Variants in RSAD1 observed in about 807,000 individuals in gnomAD.
RSAD1 encodes radical S-adenosyl methionine domain-containing protein 1, mitochondrial.
Under a neutral mutation model 46.2 loss-of-function variants are expected in RSAD1, and 34 were observed. The ratio of observed to expected loss-of-function variants is 0.74; its 90% CI spans 0.56 to 0.98. The LOEUF is 0.98. Ranked by LOEUF, RSAD1 falls within the 50% of genes least tolerant of loss-of-function variation. The probability of loss-of-function intolerance (pLI) is 0.00; values close to 1 mark genes in which losing one functional copy is unlikely to be tolerated. For synonymous variants in RSAD1, 260 were observed against 253.5 expected (o/e 1.03, Z -0.24); for missense variants, 635 against 592.3 (o/e 1.07, Z -0.75).
chr17:50,484,391 G>A (rs566674114), intron 7 of RSAD1, 51 bp from the exon 8 acceptor site: 40 of 1,542,632 alleles, frequency 2.6e-5, no homozygotes, highest in Admixed American at 6.8e-5. Flanking sequence ...CAACTATGTG[G>A]CCCAGAGTAG....
At position 50,483,688 on chromosome 17, in the gene RSAD1, T is replaced by C; in HGVS notation, c.1053-18T>C. ...CACAGGCCTCCTCTCTAAGACTCCTTGGTGATTTTTCTTTGAGGCTGGAGG... is the reference window on the plus strand; with the variant it reads ...CACAGGCCTCCTCTCTAAGACTCCTCGGTGATTTTTCTTTGAGGCTGGAGG... On this transcript the variant is annotated intron_variant, in intron 6 of 8. Transcript: ENST00000258955. 1.2e-6 allele frequency: 2 copies of C among 1,613,064 alleles called. No homozygotes were observed. Among genetic ancestry groups the C allele is most frequent in the African/African-American group, 1.3e-5 (1 of 74,928 alleles).
chr17:50,482,524 CCTT>C lies in RSAD1; in HGVS notation c.840+71_840+73del, dbSNP rs1288654192. The C allele has an allele frequency of 8.1e-6, 13 of 1,609,710 alleles. No individual in the cohort carries two copies. In the Admixed American group the frequency reaches 1.3e-4, roughly 17 times the overall value. Reference sequence around the variant, plus strand: ...CTGCAGTGTGACCAGGGCGTTGTGACCTTCTGAAGAGAAGGATCCTGGCCGAGA... The same window carrying C: ...CTGCAGTGTGACCAGGGCGTTGTGACCTGAAGAGAAGGATCCTGGCCGAGA... On this transcript the variant is annotated intron_variant, in intron 4 of 8. Coordinates refer to ENST00000258955, the MANE Select transcript of RSAD1 (RefSeq NM_018346.3).
At chr17:50,484,375 A>T (rs1441473981) in intron 7 of RSAD1, 67 bp from the exon 8 acceptor site, 1 of 1,429,402 alleles carries the variant, frequency 7.0e-7, no homozygotes, top group African/African-American at 1.4e-5. Context: ...ACCTCTCACC[A>T]TACCCCAACT....
At chr17:50,482,508 G>T in intron 4 of RSAD1, 52 bp downstream of exon 4, 2 of 1,607,354 alleles carry the variant, frequency 1.2e-6, no homozygotes, top group South Asian at 2.2e-5. Flanking sequence ...ACTGCAGTGT[G>T]ACCAGGGCGT....
chr17:50,483,662 G>T (rs376333376), intron 6 of RSAD1, 44 bp from the exon 7 acceptor site: 98 of 1,610,802 alleles, frequency 6.1e-5, no homozygotes, highest in Non-Finnish European at 8.2e-5. Flanking sequence ...AATGGGAGGA[G>T]CACAGGCCTC....
chr17:50,482,209 T>C lies in RSAD1; in HGVS notation c.593T>C (p.Leu198Pro), dbSNP rs1237505278. 3 of 1,568,688 alleles carry C rather than the reference T, an allele frequency of 1.9e-6. No individual in the cohort carries two copies. In the South Asian group the frequency reaches 3.5e-5, roughly 18 times the overall value. The part of the protein sequence containing the change: ...FPGRVSVDLM[L>P]GLPAQQVGPW... ...GGGCGCGTGTCTGTAGACTTGATGC[T>C]GGGGCTGCCGGCACAGCAGGTGGGG... The change falls in exon 4 of 9, where the codon CTG becomes CCG. Residue 198 changes from leucine to proline, a missense_variant. Transcript: ENST00000258955.
At chr17:50,483,819 C>T (rs1195429044) in intron 7 of RSAD1, 59 bp downstream of exon 7, 2 of 1,476,042 alleles carry the variant, frequency 1.4e-6, no homozygotes, top group South Asian at 1.2e-5. Flanking sequence ...AATCAATGCC[C>T]CCTCCCTGCC....
intron 4 of RSAD1, 58 bp from the exon 5 acceptor site, chr17:50,482,585 T>C (rs1285136251): frequency 6.2e-7 from 1 of 1,613,366 alleles, no homozygotes. Context: ...GCCCCTTACC[T>C]GAGTCTAAAA....
In RSAD1 at chr17:50,483,493, C is replaced by T. The variant is rs2033410963; in HGVS notation, c.1052+6C>T. On this transcript the variant is annotated splice_donor_region_variant and intron_variant, in intron 6 of 8. Transcript: ENST00000258955. ...CCCCTGGGCAGGCTGGAGCTGTGAG[C>T]ATCCAAGGGCACAGGGCTCTCCTCC... 1 of 1,611,990 alleles carries T rather than the reference C, an allele frequency of 6.2e-7. No homozygotes were observed. The highest frequency in any genetic ancestry group is 8.5e-7 in the Non-Finnish European group (1 of 1,179,068).
chr17:50,483,201 G>GAAAT (rs200481554), intron 5 of RSAD1, 139 bp from the exon 6 acceptor site: 228 of 648,312 alleles, frequency 3.5e-4, no homozygotes, highest in Non-Finnish European at 4.8e-4. Context: ...AAGAAAGAAA[G>GAAAT]AAAGAAAGAA....
At chr17:50,482,012 A>G in intron 3 of RSAD1, 79 bp from the exon 4 acceptor site, 1 of 1,450,942 alleles carries the variant, frequency 6.9e-7, no homozygotes, top group Non-Finnish European at 9.1e-7. Context: ...TTCTCCCTGT[A>G]TCTGTGTCTA....
Position 50,484,883 on chromosome 17 carries a change from G to A in RSAD1, c.*22G>A. On this transcript the variant is annotated 3_prime_UTR_variant, in exon 9 of 9. Transcript: ENST00000258955. The stretch of plus-strand genomic sequence containing the variant: ...ATGACAAAAATGTTCCTGTGTTCCA[G>A]GGTAATGCCAGGTGGGTTTTGAGAG... 1 of 1,602,818 alleles carries A rather than the reference G, an allele frequency of 6.2e-7. No homozygotes were observed. The highest frequency in any genetic ancestry group is 1.1e-5 in the South Asian group (1 of 90,704).
chr17:50,482,906 G>A (rs1415292044), intron 5 of RSAD1, among the ~76,000 whole-genome samples, 200 bp downstream of exon 5: 1 of 152,064 alleles, frequency 6.6e-6, no homozygotes, highest in African/African-American at 2.4e-5. Flanking sequence ...TCAGCCTTTA[G>A]TGTGTATGAG....
intron 4 of RSAD1, 89 bp from the exon 5 acceptor site, chr17:50,482,554 G>C: frequency 6.2e-7 from 1 of 1,612,274 alleles, no homozygotes; most frequent in East Asian, 2.2e-5. Context: ...TGGCCGAGAT[G>C]GTGGGACATT....
chr17:50,483,197 GA>G lies in RSAD1; in HGVS notation c.905-140del, dbSNP rs2033405218. 3 of 619,448 alleles carry G rather than the reference GA, an allele frequency of 4.8e-6. No individual in the cohort carries two copies. In the East Asian group the frequency reaches 1.1e-4, roughly 22 times the overall value. The allele number at this position is 619,448 out of a possible 1,614,324, so 38.4% of individuals were successfully genotyped here. Reference sequence around the variant, plus strand: ...CAAAAAAAAAAAAAAAAAAAAGAAAGAAAGAAAGAAAGAAAAGAAAAGAAAA... The same window carrying G: ...CAAAAAAAAAAAAAAAAAAAAGAAAGAAGAAAGAAAGAAAAGAAAAGAAAA... On this transcript the variant is annotated intron_variant, in intron 5 of 8. Transcript: ENST00000258955.
rs2033435066 is a variant in RSAD1 at position 50,484,951 on chromosome 17, C to T, written c.*90C>T. Reference sequence around the variant, plus strand: ...ACATCTCTTCTCCGTTGTCGGGTGCCGTCTCTGCTCCTTGTGGTTATTGCT... The same window carrying T: ...ACATCTCTTCTCCGTTGTCGGGTGCTGTCTCTGCTCCTTGTGGTTATTGCT... On this transcript the variant is annotated 3_prime_UTR_variant, in exon 9 of 9. Coordinates refer to ENST00000258955, the MANE Select transcript of RSAD1 (RefSeq NM_018346.3). 9.8e-6 allele frequency: 10 copies of T among 1,018,442 alleles called. No homozygotes were observed. The highest frequency in any genetic ancestry group is 8.5e-5 in the South Asian group (6 of 70,872). The allele number at this position is 1,018,442 out of a possible 1,614,324, so 63.1% of individuals were successfully genotyped here.
At chr17:50,484,244 T>G (rs1348313466) in intron 7 of RSAD1, 198 bp from the exon 8 acceptor site, 8 of 563,788 alleles carry the variant, frequency 1.4e-5, no homozygotes, top group African/African-American at 3.8e-5. Context: ...GGCTGGAAGC[T>G]GGGTTCCAGT....
chr17:50,483,077 G>A (rs943023126), intron 5 of RSAD1, among the ~76,000 whole-genome samples: 2 of 145,562 alleles, frequency 1.4e-5, no homozygotes, highest in African/African-American at 5.2e-5. Flanking sequence ...GGTGTCATGT[G>A]CCTCTAATCT....
rs115386193 is a variant in RSAD1 at position 50,484,649 on chromosome 17, C to A, written c.1212-95C>A. The stretch of plus-strand genomic sequence containing the variant: ...AAGTGAGAAAGACTGACTGGTAAGG[C>A]GGGACCTGCGGGTGCTGGGAGCTCG... On this transcript the variant is annotated intron_variant, in intron 8 of 8. Coordinates refer to ENST00000258955, the MANE Select transcript of RSAD1 (RefSeq NM_018346.3). 12,454 of 1,498,536 alleles carry A rather than the reference C, an allele frequency of 8.3e-3. 772 individuals carry two copies. The African/African-American group carries it at 0.14, about 17-fold the overall frequency. The allele number at this position is 1,498,536 out of a possible 1,614,324, so 92.8% of individuals were successfully genotyped here.
Sources: gnomAD v4.1 joint callset for allele counts (sites outside exome capture counted in the v4.1 genomes callset) on GRCh38, gnomAD v4.1.1 for gene constraint, MANE v1.5 for transcripts, NCBI Gene and HGNC (gene_info 2026-07-23, HGNC 2026-07-21) for gene names.